The following GPR176 variants were observed in gnomAD, a reference collection of about 807,000 sequenced individuals.
GPR176 encodes G protein-coupled receptor 176, also known as G-protein coupled receptor 176.
A neutral mutation model predicts 35.4 loss-of-function variants in GPR176; 26 were observed. The ratio of observed to expected loss-of-function variants is 0.74; its 90% CI spans 0.54 to 1.02. The LOEUF is 1.02. GPR176 is among the 50% of genes least tolerant of loss of function. GPR176 has a pLI of 0.00. For synonymous variants in GPR176, 278 were observed against 271.3 expected, an observed-to-expected ratio of 1.02 and a Z score of -0.24; for missense variants, 597 against 665.3, an observed-to-expected ratio of 0.90 and a Z score of 1.13.
chr15:39,881,419 T>C (rs1412206690), intron 1 of GPR176, among the ~76,000 whole-genome samples: 3 of 152,212 alleles, frequency 2.0e-5, no homozygotes, highest in Non-Finnish European at 2.9e-5. Context: ...CCTAACAGTA[T>C]AGCGTTCTCA....
intron 1 of GPR176, among the ~76,000 whole-genome samples, chr15:39,885,082 C>T (rs1008004080): frequency 2.0e-5 from 3 of 152,098 alleles, no homozygotes; most frequent in South Asian, 4.1e-4. Flanking sequence ...TCTAAGTTCC[C>T]GATCGTTTGC....
chr15:39,860,785 C>G (rs1236116523), intron 1 of GPR176: 1 of 152,202 alleles, frequency 6.6e-6, no homozygotes, highest in Non-Finnish European at 1.5e-5. Flanking sequence ...TACTTACATT[C>G]TGGTTTTTAC....
intron 1 of GPR176, among the ~76,000 whole-genome samples, chr15:39,833,091 G>C (rs566760379): frequency 3.9e-5 from 6 of 152,106 alleles, no homozygotes; most frequent in Non-Finnish European, 8.8e-5. Context: ...CTTTGGGAGA[G>C]AGTGGGGTTG....
intron 2 of GPR176, among the ~76,000 whole-genome samples, chr15:39,806,337 T>C (rs1899187632): frequency 6.6e-6 from 1 of 152,248 alleles, no homozygotes; most frequent in Non-Finnish European, 1.5e-5. Context: ...TAAACTGTAT[T>C]CATGAAGCAC....
intron 1 of GPR176, among the ~76,000 whole-genome samples, chr15:39,887,619 C>G (rs546723466): frequency 5.0e-5 from 7 of 140,932 alleles, no homozygotes; most frequent in African/African-American, 1.9e-4. Flanking sequence ...AAAAAAAAAG[C>G]TTGTCTCCTT....
Position 39,801,915 on chromosome 15 carries a change from G to A in GPR176, c.765C>T (p.Pro255=). The change falls in exon 3 of 3, where the codon CCC becomes CCT. Residue 255 remains proline, a synonymous_variant. Transcript: ENST00000561100. ...GCTCGGCCTCCCGCTGGGAGGCATA[G>A]GGAATAGAGATGGTGTTCTGTGGGG... ...LRTPQNTISI[P]YASQREAELH... is the part of the protein sequence containing the mutation. 6.2e-7 allele frequency: 1 copy of A among 1,614,086 alleles called. No individual in the cohort carries two copies. The highest frequency in any genetic ancestry group is 1.3e-5 in the African/African-American group (1 of 75,000).
chr15:39,875,349 T>C (rs138185532), intron 1 of GPR176, among the ~76,000 whole-genome samples: 9 of 152,368 alleles, frequency 5.9e-5, no homozygotes, highest in East Asian at 1.9e-4. Context: ...TATTGTTTCT[T>C]TGACTACAAA....
intron 1 of GPR176, among the ~76,000 whole-genome samples, chr15:39,823,796 C>T (rs1434585734): frequency 6.6e-6 from 1 of 152,224 alleles, no homozygotes; most frequent in African/African-American, 2.4e-5. Flanking sequence ...CAATAGATGA[C>T]AAGTCTATGA....
intron 1 of GPR176, among the ~76,000 whole-genome samples, chr15:39,856,463 T>G (rs1343970451): frequency 6.6e-6 from 1 of 152,212 alleles, no homozygotes; most frequent in East Asian, 1.9e-4. Context: ...GTGGTCTGGC[T>G]CAGCGTCTCT....
intron 1 of GPR176, among the ~76,000 whole-genome samples, chr15:39,910,294 G>A (rs1360182039): frequency 6.6e-6 from 1 of 152,162 alleles, no homozygotes; most frequent in Non-Finnish European, 1.5e-5. Context: ...GGTATCAATT[G>A]GTAAAAACTT....
chr15:39,802,063 A>G lies in GPR176; in HGVS notation c.617T>C (p.Val206Ala). 6.2e-7 allele frequency: 1 copy of G among 1,614,078 alleles called. No homozygotes were observed. Among genetic ancestry groups the G allele is most frequent in the Non-Finnish European group, 8.5e-7 (1 of 1,179,968 alleles). ...GACCGTGGTGATGTTATACACCAGAACGTACACCAGGTGGCCCAAGGAGTT... is the reference window on the plus strand; with the variant it reads ...GACCGTGGTGATGTTATACACCAGAGCGTACACCAGGTGGCCCAAGGAGTT... ...WSNSLGHLVY[V>A]LVYNITTVIV... The change falls in exon 3 of 3, where the codon GTT becomes GCT. Residue 206 changes from valine to alanine, a missense_variant. Physicochemically the swap from Val to Ala is moderately conservative, Grantham distance 64. Transcript: ENST00000561100.
rs369995872 is a variant in GPR176 at position 39,876,884 on chromosome 15, C to G, written c.172+42971G>C. On this transcript the variant is annotated intron_variant, in intron 1 of 2. Transcript: ENST00000561100. ...AGAGAAAGAGAGACAGAGACAGAGA[C>G]AGAGAGAGAGAGAGAATGAAAGAGA... Among the ~76,000 whole-genome samples the G allele has an allele frequency of 3.3e-3, 492 of 149,908 alleles. 1 individual carries two copies. The highest frequency in any genetic ancestry group is 0.011 in the African/African-American group (449 of 40,972).
chr15:39,827,575 G>T (rs951750158), intron 1 of GPR176, among the ~76,000 whole-genome samples: 1 of 152,124 alleles, frequency 6.6e-6, no homozygotes, highest in Non-Finnish European at 1.5e-5. Context: ...GGTTACTCTG[G>T]GGTCCCCTTG....
At chr15:39,852,803 C>A (rs1296138875) in intron 1 of GPR176, among the ~76,000 whole-genome samples, 1 of 152,090 alleles carries the variant, frequency 6.6e-6, no homozygotes, top group African/African-American at 2.4e-5. Context: ...TCTTACTTAC[C>A]ATTATATCCA....
intron 2 of GPR176, among the ~76,000 whole-genome samples, chr15:39,802,837 C>G (rs575175722): frequency 1.3e-5 from 2 of 152,176 alleles, no homozygotes. Flanking sequence ...GGTCCTTCCA[C>G]AAAAATCAAT....
At chr15:39,882,002 C>T (rs1566961392) in intron 1 of GPR176, among the ~76,000 whole-genome samples, 1 of 152,194 alleles carries the variant, frequency 6.6e-6, no homozygotes, top group Non-Finnish European at 1.5e-5. Context: ...TTTCAAACTA[C>T]ATTTCAAAAT....
intron 1 of GPR176, among the ~76,000 whole-genome samples, chr15:39,810,454 T>A (rs1424470556): frequency 6.6e-6 from 1 of 152,134 alleles, no homozygotes; most frequent in Non-Finnish European, 1.5e-5. Flanking sequence ...TAAACCGGTT[T>A]ATTGGCTTTG....
At chr15:39,829,804 G>A (rs1157355709) in intron 1 of GPR176, among the ~76,000 whole-genome samples, 1 of 152,068 alleles carries the variant, frequency 6.6e-6, no homozygotes, top group Non-Finnish European at 1.5e-5. Flanking sequence ...CCTCTGAGTT[G>A]GCATGAGTAC....
chr15:39,900,103 A>T (rs1366278641), intron 1 of GPR176, among the ~76,000 whole-genome samples: 1 of 152,270 alleles, frequency 6.6e-6, no homozygotes. Flanking sequence ...AAAACATGTT[A>T]GTTAAATTTA....
Sources: gnomAD v4.1 joint callset for allele counts (sites outside exome capture counted in the v4.1 genomes callset) on GRCh38, gnomAD v4.1.1 for gene constraint, MANE v1.5 for transcripts, NCBI Gene and HGNC (gene_info 2026-07-23, HGNC 2026-07-21) for gene names.